The following ACAP2 variants were observed in gnomAD, a reference collection of about 807,000 sequenced individuals.
ACAP2 encodes ArfGAP with coiled-coil, ankyrin repeat and PH domains 2, also known as arf-GAP with coiled-coil, ANK repeat and PH domain-containing protein 2.
ACAP2 carries 39 observed loss-of-function variants against 115.8 expected under a neutral mutation model. The observed-to-expected ratio is 0.34, with a 90% CI of 0.26 to 0.44. ACAP2 has a LOEUF of 0.44. ACAP2 is among the 20% of genes least tolerant of loss of function. The pLI is 1.00. For synonymous variants in ACAP2, 289 were observed against 315.8 expected (o/e 0.92, Z 0.90); for missense variants, 662 against 927.6 (o/e 0.71, Z 3.72).
chr3:195,342,465 A>G lies in ACAP2; in HGVS notation c.528+6T>C. On this transcript the variant is annotated splice_donor_region_variant and intron_variant, in intron 6 of 22. Coordinates refer to ENST00000326793, the MANE Select transcript of ACAP2 (RefSeq NM_012287.6). Reference sequence around the variant, plus strand: ...CTGAAAACATACACAGTAAGAAACTATATACCTGAAGCACATAATCGAGGG... The same window carrying G: ...CTGAAAACATACACAGTAAGAAACTGTATACCTGAAGCACATAATCGAGGG... The G allele has an allele frequency of 2.5e-6, 4 of 1,592,612 alleles. No homozygotes were observed. Among genetic ancestry groups the G allele is most frequent in the Non-Finnish European group, 3.4e-6 (4 of 1,174,216 alleles).
At chr3:195,441,357 G>A (rs55716204) in intron 1 of ACAP2, among the ~76,000 whole-genome samples, 3,545 of 152,272 alleles carry the variant, frequency 0.023, 137 homozygotes, top group African/African-American at 0.08. Context: ...TGTCTCTTGA[G>A]TCCTTCAATA....
intron 1 of ACAP2, among the ~76,000 whole-genome samples, chr3:195,432,729 T>C (rs1715231074): frequency 6.6e-6 from 1 of 152,222 alleles, no homozygotes; most frequent in South Asian, 2.1e-4. Context: ...AGAAACCGGT[T>C]GGAATTTTCA....
At chr3:195,392,786 A>T (rs1707731354) in intron 1 of ACAP2, among the ~76,000 whole-genome samples, 1 of 152,238 alleles carries the variant, frequency 6.6e-6, no homozygotes, top group Admixed American at 6.5e-5. Flanking sequence ...CTACAAGGCA[A>T]CATTTCAAAA....
At chr3:195,326,854 GAATT>G (rs1024040165) in intron 9 of ACAP2, 27 bp downstream of exon 9, 2 of 1,593,990 alleles carry the variant, frequency 1.3e-6, no homozygotes, top group African/African-American at 2.7e-5. Flanking sequence ...GTATAAAGTG[GAATT>G]AATTTTTAAT....
intron 9 of ACAP2, among the ~76,000 whole-genome samples, chr3:195,325,192 G>A (rs1371074665): frequency 1.3e-5 from 2 of 152,084 alleles, no homozygotes; most frequent in East Asian, 3.8e-4. Context: ...GAAAAACAAT[G>A]TAGCATTATC....
intron 10 of ACAP2, among the ~76,000 whole-genome samples, chr3:195,309,221 T>C (rs1728601625): frequency 6.6e-6 from 1 of 152,180 alleles, no homozygotes; most frequent in Non-Finnish European, 1.5e-5. Context: ...CTCATAAAGT[T>C]GGCATAAATG....
At chr3:195,393,889 G>T (rs945989533) in intron 1 of ACAP2, among the ~76,000 whole-genome samples, 5 of 146,858 alleles carry the variant, frequency 3.4e-5, no homozygotes, top group East Asian at 2.0e-4. Context: ...TATATTGGGG[G>T]GGGGGGAAGC....
intron 9 of ACAP2, among the ~76,000 whole-genome samples, chr3:195,321,515 A>G (rs1729452600): frequency 6.6e-6 from 1 of 151,946 alleles, no homozygotes; most frequent in African/African-American, 2.4e-5. Flanking sequence ...TTATGGTGAT[A>G]TGTGTTAACA....
At chr3:195,307,810 A>G (rs1263102902) in intron 11 of ACAP2, among the ~76,000 whole-genome samples, 3 of 152,192 alleles carry the variant, frequency 2.0e-5, no homozygotes, top group Non-Finnish European at 2.9e-5. Context: ...TTCAAAACCA[A>G]GTTTATCAGA....
chr3:195,393,589 C>T (rs1375461806), intron 1 of ACAP2, among the ~76,000 whole-genome samples: 1 of 152,184 alleles, frequency 6.6e-6, no homozygotes, highest in Non-Finnish European at 1.5e-5. Context: ...TTCTCATTTG[C>T]TTCAGCAACG....
chr3:195,307,417 T>C (rs1022462977), intron 11 of ACAP2, 94 bp from the exon 12 acceptor site: 12 of 740,690 alleles, frequency 1.6e-5, no homozygotes, highest in Non-Finnish European at 2.7e-5. Context: ...GCATAACTGG[T>C]CTAATTTTCA....
chr3:195,295,623 C>T lies in ACAP2; in HGVS notation c.1672+85G>A, dbSNP rs533581921. On this transcript the variant is annotated intron_variant, in intron 17 of 22. Coordinates refer to ENST00000326793, the MANE Select transcript of ACAP2 (RefSeq NM_012287.6). ...AACAGGTTTTTAACATTAAAAAAAA[C>T]GACAATGGCTATTAGTTCAGGGATT... is the stretch of plus-strand genomic sequence containing the variant. 2.9e-5 allele frequency: 41 copies of T among 1,433,100 alleles called. No individual in the cohort carries two copies. In the East Asian group the frequency reaches 3.7e-4, roughly 13 times the overall value. The allele number at this position is 1,433,100 out of a possible 1,614,324, so 88.8% of individuals were successfully genotyped here.
At chr3:195,342,799 T>C in intron 5 of ACAP2, 145 bp from the exon 6 acceptor site, 1 of 532,406 alleles carries the variant, frequency 1.9e-6, no homozygotes, top group South Asian at 2.4e-5. Flanking sequence ...ATCGAGACCA[T>C]CCTGGCCAAC....
At chr3:195,382,210 T>C (rs1277245596) in intron 2 of ACAP2, among the ~76,000 whole-genome samples, 188 bp from the exon 3 acceptor site, 4 of 152,098 alleles carry the variant, frequency 2.6e-5, no homozygotes, top group Non-Finnish European at 5.9e-5. Context: ...CGTAGCAGAG[T>C]TGTACCAGAA....
intron 1 of ACAP2, among the ~76,000 whole-genome samples, chr3:195,409,623 C>T (rs377566833): frequency 6.6e-6 from 1 of 152,092 alleles, no homozygotes; most frequent in African/African-American, 2.4e-5. Context: ...CGCCTGTAAT[C>T]TCAGCACCCT....
intron 10 of ACAP2, among the ~76,000 whole-genome samples, chr3:195,318,276 C>T (rs1218600322): frequency 5.3e-5 from 8 of 152,102 alleles, no homozygotes; most frequent in African/African-American, 1.9e-4. Flanking sequence ...AGAACTGGTA[C>T]CAGCAGAGTG....
intron 1 of ACAP2, among the ~76,000 whole-genome samples, chr3:195,421,707 G>A (rs909565844): frequency 4.6e-5 from 7 of 152,252 alleles, no homozygotes; most frequent in African/African-American, 1.7e-4. Context: ...TAATTTGTAC[G>A]GAAGTTTTCT....
chr3:195,359,914 A>G (rs1342341051), intron 4 of ACAP2, among the ~76,000 whole-genome samples: 1 of 152,248 alleles, frequency 6.6e-6, no homozygotes, highest in African/African-American at 2.4e-5. Flanking sequence ...AAAAAGCAAG[A>G]AAAGAAAACA....
rs1267611490 is a variant in ACAP2, at chr3:195,276,563, GATT to G, written c.*2762_*2764del. On this transcript the variant is annotated 3_prime_UTR_variant, in exon 23 of 23. Transcript: ENST00000326793. ...GTAAGCTAATGATAATGAGCTAACA[GATT>G]AATAATAAGGAATAAGAAACTAATA... The G allele has an allele frequency of 6.6e-6, 1 of 152,112 alleles. No homozygotes were observed. Among genetic ancestry groups the G allele is most frequent in the Non-Finnish European group, 1.5e-5 (1 of 68,014 alleles). 9.4% of individuals were successfully genotyped at this position (152,112 alleles called of 1,614,324 possible).
Sources: allele counts gnomAD v4.1 joint callset (sites outside exome capture counted in the v4.1 genomes callset), GRCh38; gene constraint gnomAD v4.1.1; transcripts MANE v1.5; gene names NCBI Gene and HGNC (gene_info 2026-07-23, HGNC 2026-07-21).